Variants in LRRC38 observed in about 807,000 individuals in gnomAD.
LRRC38 encodes the protein leucine rich repeat containing 38, also known as leucine-rich repeat-containing protein 38.
A neutral mutation model predicts 16.4 loss-of-function variants in LRRC38; 5 were observed. That is an observed-to-expected ratio of 0.31 (90% confidence interval 0.16 to 0.64). The LOEUF (loss-of-function observed/expected upper bound fraction) is 0.64. Ranked by LOEUF, LRRC38 falls within the 30% of genes least tolerant of loss-of-function variation. LRRC38 has a pLI of 0.80. For missense variants in LRRC38, 341 were observed against 401.8 expected (o/e 0.85, Z 1.29); for synonymous variants, 191 against 190.2 (o/e 1.00, Z -0.04).
At chr1:13,479,925 C>T (rs1031453336) in intron 1 of LRRC38, among the ~76,000 whole-genome samples, 2 of 152,222 alleles carry the variant, frequency 1.3e-5, no homozygotes, top group Non-Finnish European at 2.9e-5. Flanking sequence ...TTGGCCATCA[C>T]TGACATTTGG....
Position 13,475,776 on chromosome 1 carries a change from T to C in LRRC38, c.*70A>G, listed in dbSNP as rs1284757573. 6 of 1,513,164 alleles carry C rather than the reference T, an allele frequency of 4.0e-6. No homozygotes were observed. The highest frequency in any genetic ancestry group is 2.0e-5 in the Admixed American group (1 of 49,030). 93.7% of individuals were successfully genotyped at this position (1,513,164 alleles called of 1,614,324 possible). A position where few individuals can be genotyped will look rare whatever the true frequency, so the allele number is the denominator to read the frequency against. On this transcript the variant is annotated 3_prime_UTR_variant, in exon 2 of 2. Transcript: ENST00000376085. This position sits in a 1 kb window ranked among gnomAD's most constrained non-coding sequence, Gnocchi z 4.3. ...GGCCAGTGCTTTTCCATTTTCAGCA[T>C]TTCCCTCTCGTCTTGGAGAGAGCTT...
chr1:13,493,176 T>C (rs566649696), intron 1 of LRRC38, among the ~76,000 whole-genome samples: 68 of 152,022 alleles, frequency 4.5e-4, no homozygotes, highest in African/African-American at 1.4e-3. Context: ...GCTTTTTTTT[T>C]GTATTTATAA....
At chr1:13,492,051 T>A (rs947409026) in intron 1 of LRRC38, among the ~76,000 whole-genome samples, 9 of 152,130 alleles carry the variant, frequency 5.9e-5, no homozygotes, top group African/African-American at 9.7e-5. Flanking sequence ...ATCACCACCA[T>A]CCACCTCCAG....
At chr1:13,482,131 G>T (rs927489551) in intron 1 of LRRC38, among the ~76,000 whole-genome samples, 7 of 152,100 alleles carry the variant, frequency 4.6e-5, no homozygotes, top group African/African-American at 1.7e-4. Context: ...TGCCATGCAG[G>T]ATACAAAAGG....
chr1:13,508,984 C>A (rs113158937), intron 1 of LRRC38, among the ~76,000 whole-genome samples: 151 of 152,276 alleles, frequency 9.9e-4, no homozygotes, highest in Middle Eastern at 6.8e-3. Flanking sequence ...TGATGCCCTT[C>A]CTAGACAGGA....
intron 1 of LRRC38, among the ~76,000 whole-genome samples, chr1:13,498,698 G>T (rs910374414): frequency 2.6e-5 from 4 of 152,190 alleles, no homozygotes; most frequent in Non-Finnish European, 5.9e-5. Context: ...TCTAGAGGCT[G>T]TAACCCACTC....
intron 1 of LRRC38, among the ~76,000 whole-genome samples, chr1:13,490,807 C>T (rs888631706): frequency 2.0e-5 from 3 of 152,124 alleles, no homozygotes; most frequent in Non-Finnish European, 4.4e-5. Flanking sequence ...GATGGTCAGG[C>T]ACCCACTGTG....
chr1:13,477,159 T>C (rs1372482648), intron 1 of LRRC38, among the ~76,000 whole-genome samples: 2 of 152,172 alleles, frequency 1.3e-5, no homozygotes, highest in African/African-American at 4.8e-5. Flanking sequence ...GACTTGAACT[T>C]GTACTTCTCC....
chr1:13,504,910 T>C (rs1639194505), intron 1 of LRRC38, among the ~76,000 whole-genome samples: 1 of 151,518 alleles, frequency 6.6e-6, no homozygotes, highest in Admixed American at 6.6e-5. Context: ...ACAAACAGTA[T>C]GAGAAGCGGA....
At chr1:13,510,539 T>G (rs1398157597) in intron 1 of LRRC38, among the ~76,000 whole-genome samples, 2 of 151,440 alleles carry the variant, frequency 1.3e-5, no homozygotes, top group Admixed American at 6.6e-5. Context: ...AGGAAACGGG[T>G]ACAAAAAGAT....
At position 13,484,561 on chromosome 1, in the gene LRRC38, G is replaced by A. The variant is rs931478955; in HGVS notation, c.632-8462C>T. On this transcript the variant is annotated intron_variant, in intron 1 of 1. Coordinates refer to ENST00000376085, the MANE Select transcript of LRRC38 (RefSeq NM_001010847.2). The stretch of plus-strand genomic sequence containing the variant: ...CCCCAGAGGCCGATGGTGCTGGACC[G>A]GCACAGGCCCCTGCCTTCTAGGACA... Among the ~76,000 whole-genome samples, 12 of 152,290 alleles carry A rather than the reference G, an allele frequency of 7.9e-5. No individual in the cohort carries two copies. The East Asian group carries it at 1.7e-3, about 22-fold the overall frequency.
At chr1:13,481,361 G>A (rs1638852149) in intron 1 of LRRC38, among the ~76,000 whole-genome samples, 1 of 151,316 alleles carries the variant, frequency 6.6e-6, no homozygotes, top group Admixed American at 6.6e-5. Flanking sequence ...TCTGGCCAGG[G>A]ATTAGTGTTC....
intron 1 of LRRC38, among the ~76,000 whole-genome samples, chr1:13,496,059 G>A (rs1639076200): frequency 6.6e-6 from 1 of 152,094 alleles, no homozygotes; most frequent in Non-Finnish European, 1.5e-5. Context: ...GGGTCTGGGG[G>A]CCTCAACCTT....
chr1:13,498,297 C>T (rs1340208741), intron 1 of LRRC38, among the ~76,000 whole-genome samples: 1 of 151,786 alleles, frequency 6.6e-6, no homozygotes, highest in Non-Finnish European at 1.5e-5. Flanking sequence ...TTTCCCCACA[C>T]GCAAACCAAG....
intron 1 of LRRC38, among the ~76,000 whole-genome samples, chr1:13,505,230 C>A (rs982754486): frequency 6.6e-6 from 1 of 152,224 alleles, no homozygotes; most frequent in African/African-American, 2.4e-5. Flanking sequence ...CAGGGCTCCT[C>A]TCCTCTTCCA....
chr1:13,487,872 G>A lies in LRRC38; in HGVS notation c.632-11773C>T, dbSNP rs1638955789. On this transcript the variant is annotated intron_variant, in intron 1 of 1. Transcript: ENST00000376085. This position sits in a 1 kb window ranked among gnomAD's most constrained non-coding sequence, Gnocchi z 4.4. ...GTAACTCAGATTAACAACAGGCTCT[G>A]GTAAGCGCTTTTTGTCATTAAAAAT... 6.6e-6 allele frequency among the ~76,000 whole-genome samples: 1 copy of A among 152,068 alleles called. No individual in the cohort carries two copies. Among genetic ancestry groups the A allele is most frequent in the Non-Finnish European group, 1.5e-5 (1 of 68,028 alleles).
intron 1 of LRRC38, among the ~76,000 whole-genome samples, chr1:13,496,156 AAT>A (rs35329337): frequency 6.6e-6 from 1 of 150,440 alleles, no homozygotes; most frequent in East Asian, 2.0e-4. Flanking sequence ...GCGCTGATCA[AAT>A]ATATATATAT....
At chr1:13,480,880 A>C (rs1275591051) in intron 1 of LRRC38, among the ~76,000 whole-genome samples, 1 of 151,782 alleles carries the variant, frequency 6.6e-6, no homozygotes, top group African/African-American at 2.4e-5. Context: ...CTGGTCTGGA[A>C]CTGCTGTCCT....
rs2100498322 is a variant in LRRC38 at position 13,487,743 on chromosome 1, T to C, written c.632-11644A>G. Among the ~76,000 whole-genome samples the C allele has an allele frequency of 6.6e-6, 1 of 152,302 alleles. No individual in the cohort carries two copies. The highest frequency in any genetic ancestry group is 2.1e-4 in the South Asian group (1 of 4,822). On this transcript the variant is annotated intron_variant, in intron 1 of 1. Transcript: ENST00000376085. The surrounding 1 kb of genome is among the most constrained non-coding windows in gnomAD (Gnocchi z 4.4). The stretch of plus-strand genomic sequence containing the variant: ...AGACAGTGACACAGCGGATGTTAGA[T>C]TGAGATTAATCTCTTGCACCGGACC...
Sources: gnomAD v4.1 joint callset for allele counts (sites outside exome capture counted in the v4.1 genomes callset) on GRCh38, gnomAD v4.1.1 for gene constraint, Gnocchi (gnomAD v3.1) non-coding constraint, MANE v1.5 for transcripts, NCBI Gene and HGNC (gene_info 2026-07-23, HGNC 2026-07-21) for gene names.